ACTR10: variants seen among roughly 807,000 people sequenced by gnomAD.
The protein encoded by ACTR10 is actin-related protein 10.
A neutral mutation model predicts 56.2 loss-of-function variants in ACTR10; 43 were observed. The observed-to-expected ratio is 0.77, with a 90% CI of 0.60 to 0.99. ACTR10 has a LOEUF of 0.99. ACTR10 is among the 50% of genes least tolerant of loss of function. ACTR10 has a pLI of 0.00. For synonymous variants in ACTR10, 170 were observed against 176.3 expected (o/e 0.96, Z 0.28); for missense variants, 466 against 507.8 (o/e 0.92, Z 0.79).
At position 58,234,367 on chromosome 14, in the gene ACTR10, C is replaced by T; in HGVS notation, c.1073-3C>T. ...AGCTATAAAAAATATTTTTGTCACA[C>T]AGGGGCTATTTTTGGAGCATTACAA... is the stretch of plus-strand genomic sequence containing the variant. On this transcript the variant is annotated splice_polypyrimidine_tract_variant and splice_region_variant and intron_variant, in intron 12 of 12. Transcript: ENST00000254286. 2 of 1,537,932 alleles carry T rather than the reference C, an allele frequency of 1.3e-6. No individual in the cohort carries two copies. Among genetic ancestry groups the T allele is most frequent in the South Asian group, 1.3e-5 (1 of 78,068 alleles).
chr14:58,206,691 A>G (rs1888871412), intron 2 of ACTR10, among the ~76,000 whole-genome samples: 1 of 152,194 alleles, frequency 6.6e-6, no homozygotes, highest in African/African-American at 2.4e-5. Flanking sequence ...ATTGTTATAT[A>G]TTAGCATTGA....
intron 7 of ACTR10, 90 bp downstream of exon 7, chr14:58,215,374 T>C (rs1025806135): frequency 4.7e-5 from 36 of 761,066 alleles, no homozygotes; most frequent in Admixed American, 8.0e-5. Context: ...TGCATGATTA[T>C]TCTCTTTTCT....
chr14:58,205,254 T>A (rs1263446010), intron 2 of ACTR10, among the ~76,000 whole-genome samples: 1 of 150,856 alleles, frequency 6.6e-6, no homozygotes, highest in Non-Finnish European at 1.5e-5. Flanking sequence ...AAAAAAAACA[T>A]GTTATAGCAG....
intron 7 of ACTR10, among the ~76,000 whole-genome samples, chr14:58,216,879 G>T (rs1454081492): frequency 6.6e-6 from 1 of 152,132 alleles, no homozygotes; most frequent in Non-Finnish European, 1.5e-5. Context: ...TTTCCCCCAG[G>T]AGACTTTGAG....
rs34387083 is a variant in ACTR10 at position 58,223,709 on chromosome 14, T to TAA, written c.714+19_714+20dup. On this transcript the variant is annotated intron_variant, in intron 9 of 12. Transcript: ENST00000254286. ...ATTGATGGGAATAATGAGGTAAGTT[T>TAA]AAAAAAAAAAAAGGCATCTTTTTGC... is the stretch of plus-strand genomic sequence containing the variant. The TAA allele has an allele frequency of 5.5e-4, 744 of 1,351,560 alleles. No individual in the cohort carries two copies. In the African/African-American group the frequency reaches 6.8e-3, roughly 12 times the overall value. The allele number at this position is 1,351,560 out of a possible 1,614,324, so 83.7% of individuals were successfully genotyped here.
chr14:58,229,169 CTGCTTG>C (rs1889471462), intron 10 of ACTR10, among the ~76,000 whole-genome samples: 1 of 151,722 alleles, frequency 6.6e-6, no homozygotes, highest in Non-Finnish European at 1.5e-5. Context: ...AAGAAAAATA[CTGCTTG>C]ATCTCACTTA....
chr14:58,216,430 A>G (rs1436027469), intron 7 of ACTR10, among the ~76,000 whole-genome samples: 3 of 152,076 alleles, frequency 2.0e-5, no homozygotes, highest in Admixed American at 1.3e-4. Context: ...TGCCCAGCCA[A>G]TTTTTCACAA....
At position 58,220,481 on chromosome 14, in the gene ACTR10, T is replaced by C. The variant is rs190343924; in HGVS notation, c.634+752T>C. ...TGTGTTTTAATTACCTAAATTCTTTTCAATTGTTATAAAATTTCAATCATT... is the reference window on the plus strand; with the variant it reads ...TGTGTTTTAATTACCTAAATTCTTTCCAATTGTTATAAAATTTCAATCATT... On this transcript the variant is annotated intron_variant, in intron 8 of 12. Coordinates refer to ENST00000254286, the MANE Select transcript of ACTR10 (RefSeq NM_018477.3). 2.6e-5 allele frequency among the ~76,000 whole-genome samples: 4 copies of C among 152,354 alleles called. No homozygotes were observed. The East Asian group carries it at 5.8e-4, about 22-fold the overall frequency.
At chr14:58,212,529 C>A (rs1223496043) in intron 5 of ACTR10, among the ~76,000 whole-genome samples, 2 of 152,142 alleles carry the variant, frequency 1.3e-5, no homozygotes, top group Non-Finnish European at 2.9e-5. Flanking sequence ...GCATCATTAA[C>A]TCCTAAGGAA....
chr14:58,232,278 C>G lies in ACTR10; in HGVS notation c.1072+11C>G. On this transcript the variant is annotated intron_variant, in intron 12 of 12. Coordinates refer to ENST00000254286, the MANE Select transcript of ACTR10 (RefSeq NM_018477.3). ...TGGCCTGGTTGGGAGGTAAGAATTT[C>G]ACTTTTAAAATATAATGATTATATA... The G allele has an allele frequency of 6.2e-7, 1 of 1,604,542 alleles. No homozygotes were observed. The highest frequency in any genetic ancestry group is 8.5e-7 in the Non-Finnish European group (1 of 1,174,088).
chr14:58,234,225 A>G (rs1163083494), intron 12 of ACTR10, 145 bp from the exon 13 acceptor site: 1 of 580,194 alleles, frequency 1.7e-6, no homozygotes, highest in Non-Finnish European at 2.9e-6. Context: ...GAATGGCTTA[A>G]CTGGAATTAC....
intron 8 of ACTR10, among the ~76,000 whole-genome samples, chr14:58,222,764 G>GAAAAAAAAAAAAAAAAAAAAA (rs58412717): frequency 1.3e-5 from 1 of 76,342 alleles, no homozygotes; most frequent in Non-Finnish European, 2.6e-5. Flanking sequence ...GACTCTGTCA[G>GAAAAAAAAAAAAAAAAAAAAA]AAAAAAAAAA....
chr14:58,223,702 G>A lies in ACTR10; in HGVS notation c.714+1G>A, dbSNP rs1309169617. 6.2e-7 allele frequency: 1 copy of A among 1,604,036 alleles called. No homozygotes were observed. On this transcript the variant is annotated splice_donor_variant, in intron 9 of 12. Coordinates refer to ENST00000254286, the MANE Select transcript of ACTR10 (RefSeq NM_018477.3). LOFTEE classifies it high-confidence loss of function. ...ATTTAATATTGATGGGAATAATGAG[G>A]TAAGTTTAAAAAAAAAAAAGGCATC... is the stretch of plus-strand genomic sequence containing the variant.
chr14:58,213,543 T>G (rs1889052878), intron 5 of ACTR10, 88 bp from the exon 6 acceptor site: 7 of 749,906 alleles, frequency 9.3e-6, no homozygotes, highest in African/African-American at 1.8e-5. Flanking sequence ...CTAAAGCATA[T>G]TTAGAACAGT....
Position 58,234,683 on chromosome 14 carries a change from G to T in ACTR10, c.*132G>T, listed in dbSNP as rs1889633567. The T allele has an allele frequency of 2.7e-6, 2 of 747,932 alleles. No individual in the cohort carries two copies. The highest frequency in any genetic ancestry group is 3.6e-5 in the African/African-American group (2 of 56,120). 46.3% of individuals were successfully genotyped at this position (747,932 alleles called of 1,614,324 possible). On this transcript the variant is annotated 3_prime_UTR_variant, in exon 13 of 13. Transcript: ENST00000254286. Reference sequence around the variant, plus strand: ...TGAAAGCATTCTGTGTTTACTCTTTGCATTAATATATAATTCTTTTGACTT... The same window carrying T: ...TGAAAGCATTCTGTGTTTACTCTTTTCATTAATATATAATTCTTTTGACTT...
chr14:58,224,327 A>C (rs1889349731), intron 10 of ACTR10, among the ~76,000 whole-genome samples: 1 of 152,094 alleles, frequency 6.6e-6, no homozygotes, highest in African/African-American at 2.4e-5. Flanking sequence ...ATTTTTAAAA[A>C]TAAAAAAAAA....
intron 2 of ACTR10, among the ~76,000 whole-genome samples, chr14:58,203,356 G>GCTATATTT (rs1382984176): frequency 6.6e-6 from 1 of 150,966 alleles, no homozygotes; most frequent in Non-Finnish European, 1.5e-5. Context: ...ATACTTTGTG[G>GCTATATTT]CTATATTTCC....
chr14:58,233,548 A>G (rs1285192314), intron 12 of ACTR10, among the ~76,000 whole-genome samples: 1 of 152,220 alleles, frequency 6.6e-6, no homozygotes, highest in Non-Finnish European at 1.5e-5. Flanking sequence ...TTAATCGACT[A>G]TTCATGTTAT....
intron 5 of ACTR10, among the ~76,000 whole-genome samples, chr14:58,211,856 C>T (rs1356766322): frequency 2.0e-5 from 3 of 151,400 alleles, no homozygotes; most frequent in African/African-American, 7.3e-5. Context: ...AGGAGAGTGG[C>T]GTGAACCCGG....
Sources: gnomAD v4.1 joint callset for allele counts (sites outside exome capture counted in the v4.1 genomes callset) on GRCh38, gnomAD v4.1.1 for gene constraint, MANE v1.5 for transcripts, NCBI Gene and HGNC (gene_info 2026-07-23, HGNC 2026-07-21) for gene names.